Variants in NKAIN2 observed in about 807,000 individuals in gnomAD.
NKAIN2 encodes sodium/potassium transporting ATPase interacting 2.
A neutral mutation model predicts 32.6 loss-of-function variants in NKAIN2; 14 were observed. The observed-to-expected ratio is 0.43, with a 90% CI of 0.28 to 0.67. The LOEUF (loss-of-function observed/expected upper bound fraction) is 0.67. Ranked by LOEUF, NKAIN2 falls within the 30% of genes least tolerant of loss-of-function variation. The probability of loss-of-function intolerance (pLI) is 0.17; values close to 1 mark genes in which losing one functional copy is unlikely to be tolerated. For synonymous variants in NKAIN2, 80 were observed against 87.2 expected, an observed-to-expected ratio of 0.92 and a Z score of 0.46; for missense variants, 198 against 258.3, an observed-to-expected ratio of 0.77 and a Z score of 1.60.
At chr6:124,077,470 A>G (rs770117012) in intron 1 of NKAIN2, among the ~76,000 whole-genome samples, 1 of 152,174 alleles carries the variant, frequency 6.6e-6, no homozygotes, top group Non-Finnish European at 1.5e-5. Flanking sequence ...GGTTTCATGC[A>G]CAGTCCTGGC....
intron 3 of NKAIN2, among the ~76,000 whole-genome samples, chr6:124,450,273 G>A (rs1776047250): frequency 6.6e-6 from 1 of 151,598 alleles, no homozygotes; most frequent in Non-Finnish European, 1.5e-5. Context: ...CAAGACAATT[G>A]TTTTTCTGTT....
At chr6:124,542,690 T>C (rs921884580) in intron 3 of NKAIN2, among the ~76,000 whole-genome samples, 3 of 152,182 alleles carry the variant, frequency 2.0e-5, no homozygotes, top group Non-Finnish European at 4.4e-5. Flanking sequence ...GGAGATGAGA[T>C]TGGATGATCT....
chr6:124,802,111 A>T (rs1320264849), intron 5 of NKAIN2, among the ~76,000 whole-genome samples: 1 of 150,008 alleles, frequency 6.7e-6, no homozygotes, highest in African/African-American at 2.4e-5. Flanking sequence ...TGGAGGCTGT[A>T]AAATGATACA....
At chr6:124,004,596 C>A (rs1299937323) in intron 1 of NKAIN2, among the ~76,000 whole-genome samples, 2 of 151,752 alleles carry the variant, frequency 1.3e-5, no homozygotes, top group African/African-American at 4.8e-5. Context: ...TCATTCTCAG[C>A]AAACTATCAC....
chr6:124,566,972 C>T (rs1780938946), intron 3 of NKAIN2, among the ~76,000 whole-genome samples: 1 of 152,196 alleles, frequency 6.6e-6, no homozygotes, highest in Admixed American at 6.5e-5. Context: ...TGACCACAAA[C>T]TCAAATTGTT....
At chr6:124,531,821 C>T (rs1779537427) in intron 3 of NKAIN2, among the ~76,000 whole-genome samples, 1 of 152,172 alleles carries the variant, frequency 6.6e-6, no homozygotes, top group South Asian at 2.1e-4. Context: ...CAGGCATGCG[C>T]CACCATGCCC....
At chr6:124,691,382 A>T (rs1441219704) in intron 4 of NKAIN2, among the ~76,000 whole-genome samples, 3 of 152,134 alleles carry the variant, frequency 2.0e-5, no homozygotes, top group Non-Finnish European at 4.4e-5. Context: ...TGCCAAAACC[A>T]GCTTTATTGC....
chr6:124,650,159 A>G (rs1161946260), intron 3 of NKAIN2, among the ~76,000 whole-genome samples: 5 of 152,190 alleles, frequency 3.3e-5, no homozygotes, highest in African/African-American at 1.2e-4. Flanking sequence ...ACAAGACAAG[A>G]GAAGGAAATA....
chr6:123,939,838 C>G (rs932647834), intron 1 of NKAIN2, among the ~76,000 whole-genome samples: 28 of 151,836 alleles, frequency 1.8e-4, no homozygotes, highest in Non-Finnish European at 3.7e-4. Context: ...TGTGTGTTGT[C>G]CCAGCGGTGC....
intron 4 of NKAIN2, among the ~76,000 whole-genome samples, chr6:124,725,755 G>C (rs370749873): frequency 6.6e-6 from 1 of 152,196 alleles, no homozygotes; most frequent in Non-Finnish European, 1.5e-5. Flanking sequence ...CAGTGTGAGC[G>C]ACGCAGAAGA....
In NKAIN2 at chr6:124,601,741, A is replaced by G. The variant is rs6934000; in HGVS notation, c.274-56445A>G. On this transcript the variant is annotated intron_variant, in intron 3 of 6. Coordinates refer to ENST00000368417, the MANE Select transcript of NKAIN2 (RefSeq NM_001040214.3). ...ATGCAAATAATGGACTAGGGTATAA[A>G]CAACAAATATGTAGGAAAAATGAAG... Among the ~76,000 whole-genome samples the G allele has an allele frequency of 6.5e-3, 992 of 152,170 alleles. 12 individuals are homozygous for G. Among genetic ancestry groups the G allele is most frequent in the African/African-American group, 0.023 (951 of 41,548 alleles).
chr6:124,743,869 T>C (rs1777337382), intron 4 of NKAIN2, among the ~76,000 whole-genome samples: 1 of 151,856 alleles, frequency 6.6e-6, no homozygotes, highest in South Asian at 2.1e-4. Flanking sequence ...ACTAAATTTA[T>C]TGATATAGAC....
chr6:124,405,936 TTAAAG>T (rs1333875152), intron 3 of NKAIN2, among the ~76,000 whole-genome samples: 1 of 152,040 alleles, frequency 6.6e-6, no homozygotes. Context: ...CTTATTAAGT[TTAAAG>T]TAAGCCAGCC....
rs1047042849 is a variant in NKAIN2 at position 124,002,030 on chromosome 6, T to C, written c.54+197776T>C. On this transcript the variant is annotated intron_variant, in intron 1 of 6. Transcript: ENST00000368417. The stretch of plus-strand genomic sequence containing the variant: ...AATGCACTAGAGTGCTATACAACAG[T>C]GATACAGAGACGAATTCATATGCTG... 1.1e-4 allele frequency among the ~76,000 whole-genome samples: 17 copies of C among 152,062 alleles called. No homozygotes were observed. The South Asian group carries it at 2.3e-3, about 20-fold the overall frequency.
intron 1 of NKAIN2, among the ~76,000 whole-genome samples, chr6:123,885,443 TTAGG>T (rs1773668075): frequency 1.3e-5 from 2 of 152,110 alleles, no homozygotes; most frequent in Non-Finnish European, 2.9e-5. Context: ...AAAAAGATGT[TTAGG>T]TAGGAATTTT....
intron 2 of NKAIN2, among the ~76,000 whole-genome samples, chr6:124,286,698 G>A (rs1795567909): frequency 6.6e-6 from 1 of 151,038 alleles, no homozygotes; most frequent in African/African-American, 2.4e-5. Flanking sequence ...GTGTGTGTGT[G>A]TGAGATAAGT....
intron 3 of NKAIN2, among the ~76,000 whole-genome samples, chr6:124,366,610 T>G (rs1423873240): frequency 2.0e-5 from 3 of 152,078 alleles, no homozygotes; most frequent in Non-Finnish European, 2.9e-5. Context: ...TTATTGAGGA[T>G]ACGTGTGATT....
At chr6:124,161,591 G>T (rs1788277133) in intron 1 of NKAIN2, among the ~76,000 whole-genome samples, 1 of 152,174 alleles carries the variant, frequency 6.6e-6, no homozygotes, top group African/African-American at 2.4e-5. Context: ...TTTATAAGTT[G>T]ACACCTAAAG....
At chr6:124,069,838 T>C (rs1783357878) in intron 1 of NKAIN2, among the ~76,000 whole-genome samples, 1 of 152,188 alleles carries the variant, frequency 6.6e-6, no homozygotes, top group South Asian at 2.1e-4. Flanking sequence ...TTCTGGAATT[T>C]ATGCCAAATT....
Sources: allele counts gnomAD v4.1 joint callset (sites outside exome capture counted in the v4.1 genomes callset), GRCh38; gene constraint gnomAD v4.1.1; transcripts MANE v1.5; gene names NCBI Gene and HGNC (gene_info 2026-07-23, HGNC 2026-07-21).